The following TSPEAR variants were observed in gnomAD, a reference collection of about 807,000 sequenced individuals.
TSPEAR encodes the protein thrombospondin-type laminin G domain and EAR repeat-containing protein.
Under a neutral mutation model 71.6 loss-of-function variants are expected in TSPEAR, and 69 were observed. The observed-to-expected ratio is 0.96, with a 90% CI of 0.79 to 1.18. The LOEUF is 1.18. TSPEAR is among the 50% of genes most tolerant of loss of function. TSPEAR has a pLI of 0.00. For missense variants in TSPEAR, 971 were observed against 894.9 expected (o/e 1.09, Z -1.09); for synonymous variants, 402 against 387.2 (o/e 1.04, Z -0.45).
intron 1 of TSPEAR, among the ~76,000 whole-genome samples, chr21:44,638,865 G>C (rs373921419): frequency 6.6e-6 from 1 of 151,900 alleles, no homozygotes; most frequent in Admixed American, 6.6e-5. Context: ...CCTGGGGCCT[G>C]GCTCCACCCA....
chr21:44,572,150 C>G (rs2053810272), intron 1 of TSPEAR, among the ~76,000 whole-genome samples: 1 of 152,246 alleles, frequency 6.6e-6, no homozygotes, highest in Non-Finnish European at 1.5e-5. Flanking sequence ...GAGGAAACCT[C>G]AAGCAAGTCC....
intron 9 of TSPEAR, among the ~76,000 whole-genome samples, chr21:44,512,513 G>A (rs2052420664): frequency 6.6e-6 from 1 of 152,174 alleles, no homozygotes; most frequent in Non-Finnish European, 1.5e-5. Flanking sequence ...CACACGGGCT[G>A]CTGTGTGAGC....
At chr21:44,503,597 A>G (rs1310146356) in intron 11 of TSPEAR, among the ~76,000 whole-genome samples, 230 of 66,020 alleles carry the variant, frequency 3.5e-3, no homozygotes, top group East Asian at 5.2e-3. Context: ...GTGAGCCCTC[A>G]GGGGGAAGCA....
rs2146346298 is a variant in TSPEAR, at chr21:44,710,690, A to T, written c.82+743T>A. 6.6e-6 allele frequency among the ~76,000 whole-genome samples: 1 copy of T among 152,324 alleles called. No individual in the cohort carries two copies. The highest frequency in any genetic ancestry group is 2.1e-4 in the South Asian group (1 of 4,832). On this transcript the variant is annotated intron_variant, in intron 1 of 11. Transcript: ENST00000323084. The surrounding 1 kb of genome is among the most constrained non-coding windows in gnomAD (Gnocchi z 4.6). ...TTTACTGTCCAGTAACTGAGTTTCT[A>T]GCGACCAGGTCTAGTTGTCGTGTTA...
chr21:44,616,095 C>G (rs1309598146), intron 1 of TSPEAR, among the ~76,000 whole-genome samples: 1 of 152,140 alleles, frequency 6.6e-6, no homozygotes, highest in African/African-American at 2.4e-5. Context: ...CAGAGTGCAG[C>G]GTGTCGGCGG....
intron 1 of TSPEAR, among the ~76,000 whole-genome samples, chr21:44,643,642 C>T (rs1984141314): frequency 6.6e-6 from 1 of 152,150 alleles, no homozygotes; most frequent in Non-Finnish European, 1.5e-5. Context: ...GTATCATTAA[C>T]TATACTCATA....
chr21:44,565,082 T>A (rs587600320), intron 2 of TSPEAR, among the ~76,000 whole-genome samples: 2 of 151,992 alleles, frequency 1.3e-5, no homozygotes, highest in African/African-American at 4.8e-5. Flanking sequence ...CATAAAATCA[T>A]CAAGATGAAT....
At chr21:44,609,677 T>C (rs1981534777) in intron 1 of TSPEAR, among the ~76,000 whole-genome samples, 1 of 152,072 alleles carries the variant, frequency 6.6e-6, no homozygotes, top group Non-Finnish European at 1.5e-5. Flanking sequence ...TGAGTCAGAG[T>C]TTGGGGAGGA....
chr21:44,530,993 A>G, intron 4 of TSPEAR, 50 bp downstream of exon 4: 2 of 1,440,244 alleles, frequency 1.4e-6, no homozygotes, highest in Non-Finnish European at 2.0e-6. Context: ...GGCCTGGGGC[A>G]GTCCCATCCC....
intron 2 of TSPEAR, among the ~76,000 whole-genome samples, chr21:44,552,549 G>A (rs2053459819): frequency 6.6e-6 from 1 of 152,166 alleles, no homozygotes; most frequent in African/African-American, 2.4e-5. Flanking sequence ...AGGTGAGCAG[G>A]CCCCTGGTCA....
At chr21:44,686,912 T>A (rs368096780) in intron 1 of TSPEAR, among the ~76,000 whole-genome samples, 1 of 152,182 alleles carries the variant, frequency 6.6e-6, no homozygotes, top group East Asian at 1.9e-4. Context: ...AATGTCAGCA[T>A]GGGGTTCTGT....
chr21:44,688,012 G>A (rs1408535947), intron 1 of TSPEAR, among the ~76,000 whole-genome samples: 1 of 152,172 alleles, frequency 6.6e-6, no homozygotes, highest in Non-Finnish European at 1.5e-5. Flanking sequence ...GGCCGGGCGC[G>A]TGGATGCCCA....
chr21:44,676,298 C>G (rs1300806518), intron 1 of TSPEAR: 4 of 1,213,348 alleles, frequency 3.3e-6, no homozygotes, highest in Non-Finnish European at 4.9e-6. Flanking sequence ...GGAGGGATAG[C>G]TGTGGCTAAA....
intron 1 of TSPEAR, among the ~76,000 whole-genome samples, chr21:44,597,300 T>C (rs1980424265): frequency 1.3e-5 from 2 of 152,162 alleles, no homozygotes; most frequent in Admixed American, 1.3e-4. Context: ...TTTCTTCATC[T>C]CTATTGCTCT....
chr21:44,661,228 C>T (rs1352612061), intron 1 of TSPEAR, among the ~76,000 whole-genome samples: 3 of 145,804 alleles, frequency 2.1e-5, no homozygotes, highest in East Asian at 4.0e-4. Context: ...TGCAGTGAGC[C>T]GAGATCGCGC....
At chr21:44,626,326 G>C (rs1555934319) in intron 1 of TSPEAR, among the ~76,000 whole-genome samples, 1 of 152,224 alleles carries the variant, frequency 6.6e-6, no homozygotes. Flanking sequence ...GCAGCCGTGA[G>C]AGTTGCCTGT....
chr21:44,499,567 C>A lies in TSPEAR; in HGVS notation c.*216G>T. 1.9e-6 allele frequency: 1 copy of A among 529,250 alleles called. No individual in the cohort carries two copies. The allele number at this position is 529,250 out of a possible 1,614,324, so 32.8% of individuals were successfully genotyped here. A position where few individuals can be genotyped will look rare whatever the true frequency, so the allele number is the denominator to read the frequency against. ...GGGCTCTGGGCCTCTGCCTGCAAGA[C>A]CAGACCGTCACTGGGGCTGTGGCTC... is the stretch of plus-strand genomic sequence containing the variant. On this transcript the variant is annotated 3_prime_UTR_variant, in exon 12 of 12. Transcript: ENST00000323084.
chr21:44,614,582 C>T (rs1287188488), intron 1 of TSPEAR, among the ~76,000 whole-genome samples: 1 of 152,252 alleles, frequency 6.6e-6, no homozygotes, highest in Non-Finnish European at 1.5e-5. Context: ...CCGGAACGTT[C>T]CTACTGGCCC....
At chr21:44,541,703 C>T (rs2053226125) in intron 2 of TSPEAR, among the ~76,000 whole-genome samples, 1 of 152,226 alleles carries the variant, frequency 6.6e-6, no homozygotes, top group Non-Finnish European at 1.5e-5. Context: ...CTAGCAAAAA[C>T]ACCCTAGGCT....
Sources: gnomAD v4.1 joint callset for allele counts (sites outside exome capture counted in the v4.1 genomes callset) on GRCh38, gnomAD v4.1.1 for gene constraint, Gnocchi (gnomAD v3.1) non-coding constraint, MANE v1.5 for transcripts, NCBI Gene and HGNC (gene_info 2026-07-23, HGNC 2026-07-21) for gene names.